CELF2: variants seen among roughly 807,000 people sequenced by gnomAD.
CELF2 encodes CUGBP Elav-like family member 2, also known as CUG triplet repeat RNA-binding protein 2.
Under a neutral mutation model 62.6 loss-of-function variants are expected in CELF2, and 8 were observed. The ratio of observed to expected loss-of-function variants is 0.13; its 90% CI spans 0.07 to 0.23. CELF2 has a LOEUF of 0.23. CELF2 is among the 10% of genes least tolerant of loss of function. The probability of loss-of-function intolerance (pLI) is 1.00; values close to 1 mark genes in which losing one functional copy is unlikely to be tolerated. For synonymous variants in CELF2, 258 were observed against 250.0 expected, an observed-to-expected ratio of 1.03 and a Z score of -0.30; for missense variants, 333 against 671.0, an observed-to-expected ratio of 0.50 and a Z score of 5.56.
Position 11,161,057 on chromosome 10 carries a change from T to A in CELF2, c.75-4429T>A, listed in dbSNP as rs377660692. 1.8e-4 allele frequency among the ~76,000 whole-genome samples: 27 copies of A among 152,344 alleles called. 1 individual carries two copies. In the South Asian group the frequency reaches 5.6e-3, roughly 32 times the overall value. ...TCAATTATTATAATAGTTTACTGAT[T>A]AGAGGGACCTCAGAAGATTTTGCAT... is the stretch of plus-strand genomic sequence containing the variant. On this transcript the variant is annotated intron_variant, in intron 1 of 12. Transcript: ENST00000633077.
At chr10:11,325,750 A>G (rs1326994645) in intron 11 of CELF2, 86 bp from the exon 12 acceptor site, 5 of 1,201,250 alleles carry the variant, frequency 4.2e-6, no homozygotes, top group South Asian at 3.1e-5. Context: ...TGCTTAGCCT[A>G]CCTGTTGTTA....
At chr10:10,829,365 C>T (rs7087319) in intron 1 of CELF2, among the ~76,000 whole-genome samples, 10,642 of 152,106 alleles carry the variant, frequency 0.07, 484 homozygotes, top group East Asian at 0.23. Context: ...AGTTAGGAAC[C>T]CTGAATCTTT....
chr10:10,869,450 T>G (rs892056823), intron 1 of CELF2, among the ~76,000 whole-genome samples: 2 of 151,990 alleles, frequency 1.3e-5, no homozygotes, highest in Non-Finnish European at 2.9e-5. Flanking sequence ...TAATCCCAGC[T>G]ACTTGGGAGG....
the CELF2 span, among the ~76,000 whole-genome samples, chr10:10,545,669 C>T: frequency 2.6e-5 from 4 of 152,064 alleles, no homozygotes; most frequent in South Asian, 2.1e-4. Context: ...AATATCTGTA[C>T]ACACACGCAC....
the CELF2 span, among the ~76,000 whole-genome samples, chr10:10,676,400 T>C: frequency 6.6e-6 from 1 of 152,204 alleles, no homozygotes; most frequent in East Asian, 1.9e-4. Context: ...CGTGGTTAAC[T>C]AGCTTTTCCT....
chr10:10,527,731 C>T, the CELF2 span, among the ~76,000 whole-genome samples: 512 of 152,208 alleles, frequency 3.4e-3, 2 homozygotes, highest in Middle Eastern at 0.02. Flanking sequence ...GTTCTTTATG[C>T]GGAAGAAAAT....
At chr10:10,804,853 G>A (rs896983032) in intron 1 of CELF2, among the ~76,000 whole-genome samples, 3 of 152,136 alleles carry the variant, frequency 2.0e-5, no homozygotes, top group Non-Finnish European at 4.4e-5. Context: ...CTCCTAAGAT[G>A]CATCCCAGAT....
chr10:10,591,122 C>T, the CELF2 span, among the ~76,000 whole-genome samples: 86 of 152,148 alleles, frequency 5.7e-4, no homozygotes, highest in Non-Finnish European at 9.3e-4. Flanking sequence ...AAAGTGATTT[C>T]GTCATCTATG....
the CELF2 span, among the ~76,000 whole-genome samples, chr10:10,514,619 A>G: frequency 0.99 from 150,744 of 152,254 alleles, 74,637 homozygotes; most frequent in South Asian, 1. Flanking sequence ...AATGGGATTC[A>G]GACGTGGATT....
At chr10:11,206,000 T>A (rs17149833) in intron 2 of CELF2, among the ~76,000 whole-genome samples, 8,927 of 152,298 alleles carry the variant, frequency 0.059, 395 homozygotes, top group African/African-American at 0.12. Flanking sequence ...GGAAGTAGAT[T>A]ATGACGTCCT....
intron 1 of CELF2, among the ~76,000 whole-genome samples, chr10:11,089,824 T>G (rs1043576349): frequency 6.6e-6 from 1 of 152,146 alleles, no homozygotes; most frequent in African/African-American, 2.4e-5. Context: ...TGTTGTACCA[T>G]GGAATACTTC....
chr10:10,619,913 G>T, the CELF2 span, among the ~76,000 whole-genome samples: 2 of 152,094 alleles, frequency 1.3e-5, no homozygotes, highest in Non-Finnish European at 2.9e-5. Flanking sequence ...TTGAAGAGAC[G>T]AACGGAAGGA....
rs998405712 is a variant in CELF2, at chr10:11,007,527, T to A, written c.53+2087T>A. 8.3e-4 allele frequency among the ~76,000 whole-genome samples: 126 copies of A among 152,322 alleles called. 1 individual carries two copies. Among genetic ancestry groups the A allele is most frequent in the Middle Eastern group, 6.8e-3 (2 of 294 alleles). ...ATATGTGCAGCATAATCATATTTTT[T>A]AAGTTATCGGTTGTGAATAGAGTGA... On this transcript the variant is annotated intron_variant, in intron 1 of 12. Coordinates refer to the CELF2 transcript ENST00000416382.
chr10:10,987,516 A>C (rs1592760396), intron 2 of CELF2, among the ~76,000 whole-genome samples: 1 of 152,210 alleles, frequency 6.6e-6, no homozygotes, highest in Non-Finnish European at 1.5e-5. Flanking sequence ...AAAAAGGTAC[A>C]TAGTCTTTGG....
chr10:10,865,372 T>C (rs1254741065), intron 1 of CELF2, among the ~76,000 whole-genome samples: 1 of 152,236 alleles, frequency 6.6e-6, no homozygotes, highest in Admixed American at 6.5e-5. Context: ...AGTTATTACA[T>C]ATTCATCTTT....
chr10:10,806,410 G>A (rs1318039377), intron 1 of CELF2, among the ~76,000 whole-genome samples: 1 of 152,088 alleles, frequency 6.6e-6, no homozygotes. Flanking sequence ...TCACCACGTT[G>A]GCCAGGATGG....
At position 11,202,933 on chromosome 10, in the gene CELF2, CTCTCTCTCTCTCTCTCTCTGTG is replaced by C. The variant is rs1238547319; in HGVS notation, c.272-14490_272-14469del. Among the ~76,000 whole-genome samples the C allele has an allele frequency of 3.5e-3, 304 of 85,880 alleles. 5 individuals are homozygous for C. The highest frequency in any genetic ancestry group is 0.011 in the African/African-American group (244 of 21,846). The allele number at this position is 85,880 out of a possible 152,430, so 56.3% of individuals were successfully genotyped here. On this transcript the variant is annotated intron_variant, in intron 2 of 12. Coordinates refer to ENST00000633077, the MANE Select transcript of CELF2 (RefSeq NM_001326342.2). ...TCTCTCTCTCTCTCTCTCTCTCTCT[CTCTCTCTCTCTCTCTCTCTGTG>C]TGTGTGTGTGTGTGTGTAATCCAAA...
the CELF2 span, among the ~76,000 whole-genome samples, chr10:10,670,982 C>T: frequency 6.6e-6 from 1 of 152,028 alleles, no homozygotes; most frequent in African/African-American, 2.4e-5. Context: ...GCCTAGGCAA[C>T]ATGGCAAAAC....
rs896691830 is a variant in CELF2 at position 11,331,324 on chromosome 10, TAAAA to T, written c.*2276_*2279del. Reference sequence around the variant, plus strand: ...ATTTCAAAAAAAAAAGTTGTTTGCTTAAAAAAAATTTCATGTGAGGGAAAAAAAA... The same window carrying T: ...ATTTCAAAAAAAAAAGTTGTTTGCTTAAAATTTCATGTGAGGGAAAAAAAA... On this transcript the variant is annotated 3_prime_UTR_variant, in exon 13 of 13. Transcript: ENST00000633077. 1 of 150,596 alleles carries T rather than the reference TAAAA, an allele frequency of 6.6e-6. No individual in the cohort carries two copies. The highest frequency in any genetic ancestry group is 1.5e-5 in the Non-Finnish European group (1 of 67,534). The allele number at this position is 150,596 out of a possible 1,614,324, so 9.3% of individuals were successfully genotyped here. A position where few individuals can be genotyped will look rare whatever the true frequency, so the allele number is the denominator to read the frequency against.
Sources: allele counts gnomAD v4.1 joint callset (sites outside exome capture counted in the v4.1 genomes callset), GRCh38; gene constraint gnomAD v4.1.1; transcripts MANE v1.5; gene names NCBI Gene and HGNC (gene_info 2026-07-23, HGNC 2026-07-21).